TYW5: variants seen among roughly 807,000 people sequenced by gnomAD.
TYW5 encodes the protein tRNA wybutosine-synthesizing protein 5.
A neutral mutation model predicts 44.4 loss-of-function variants in TYW5; 36 were observed. The observed-to-expected ratio is 0.81, with a 90% confidence interval of 0.62 to 1.07. TYW5 has a LOEUF of 1.07. Among genes scored for constraint, TYW5 ranks in the 50% least tolerant of loss-of-function variants. The probability of loss-of-function intolerance (pLI) is 0.00; values close to 1 mark genes in which losing one functional copy is unlikely to be tolerated. For missense variants in TYW5, 354 were observed against 365.7 expected (o/e 0.97, Z 0.26); for synonymous variants, 121 against 128.1 (o/e 0.94, Z 0.37).
chr2:199,943,681 T>C (rs1304758371), intron 3 of TYW5, 84 bp downstream of exon 3: 2 of 1,082,632 alleles, frequency 1.8e-6, no homozygotes, highest in African/African-American at 1.6e-5. Context: ...CTGTTGCTCT[T>C]GTGTATCTAC....
At chr2:199,937,436 G>A (rs1276063635) in intron 5 of TYW5, among the ~76,000 whole-genome samples, 1 of 151,904 alleles carries the variant, frequency 6.6e-6, no homozygotes, top group Middle Eastern at 3.2e-3. Context: ...GTCGAGGTGG[G>A]CGGATTACTT....
In TYW5 at chr2:199,936,509, G is replaced by A. The variant is rs780848631; in HGVS notation, c.487-17C>T. The A allele has an allele frequency of 1.3e-6, 2 of 1,589,508 alleles. No individual in the cohort carries two copies. The highest frequency in any genetic ancestry group is 2.7e-5 in the African/African-American group (2 of 74,084). ...ATCCATTACCTGAAGACCAATAAAA[G>A]CTTATGGGTAATCATTATCTAAAAT... is the stretch of plus-strand genomic sequence containing the variant. On this transcript the variant is annotated splice_polypyrimidine_tract_variant and intron_variant, in intron 5 of 7. Coordinates refer to ENST00000354611, the MANE Select transcript of TYW5 (RefSeq NM_001039693.3).
intron 1 of TYW5, among the ~76,000 whole-genome samples, chr2:199,953,782 C>T (rs112019358): frequency 5.9e-5 from 9 of 152,154 alleles, no homozygotes; most frequent in African/African-American, 1.9e-4. Flanking sequence ...AGTTTTACTG[C>T]CCATGGCCAG....
chr2:199,940,453 G>A (rs1574799463), intron 3 of TYW5, among the ~76,000 whole-genome samples: 1 of 151,978 alleles, frequency 6.6e-6, no homozygotes, highest in African/African-American at 2.4e-5. Context: ...AAGAGCTCAA[G>A]ACCAGCCTGG....
chr2:199,938,844 G>C, intron 5 of TYW5, 89 bp downstream of exon 5: 1 of 1,340,260 alleles, frequency 7.5e-7, no homozygotes, highest in Non-Finnish European at 1.0e-6. Context: ...GATGTTTAGG[G>C]TAACCTATAG....
intron 7 of TYW5, among the ~76,000 whole-genome samples, chr2:199,934,420 T>C (rs1456256810): frequency 1.3e-5 from 2 of 151,890 alleles, no homozygotes; most frequent in Non-Finnish European, 2.9e-5. Flanking sequence ...GCTCCCAAGA[T>C]ACAAAAACCA....
At position 199,929,831 on chromosome 2, in the gene TYW5, GTTT is replaced by G. The variant is rs202180803; in HGVS notation, c.*3233_*3235del. 1 of 145,898 alleles carries G rather than the reference GTTT, an allele frequency of 6.9e-6. No homozygotes were observed. Among genetic ancestry groups the G allele is most frequent in the Admixed American group, 6.9e-5 (1 of 14,520 alleles). 9.0% of individuals were successfully genotyped at this position (145,898 alleles called of 1,614,324 possible). A position where few individuals can be genotyped will look rare whatever the true frequency, so the allele number is the denominator to read the frequency against. ...AATGCTAATAATTACACTCTGTTTA[GTTT>G]TTTTTTTTGAGACAGGTCTCCCCAT... On this transcript the variant is annotated 3_prime_UTR_variant, in exon 8 of 8. Transcript: ENST00000354611.
chr2:199,948,400 G>T lies in TYW5; in HGVS notation c.151C>A (p.Gln51Lys), dbSNP rs778121514. ...TTTACTTCTTTCTTCCCTCCAACTT[G>T]GCTTAGGTAATCCACTGTCCATTTG... ...TSKWTVDYLS[Q>K]VGGKKEVKIH... The change falls in exon 2 of 8, where the codon CAA becomes AAA. Residue 51 changes from glutamine (Q) to lysine (K), a missense_variant. Physicochemically the swap from Gln to Lys is moderately conservative, Grantham distance 53. Transcript: ENST00000354611. 1.9e-6 allele frequency: 3 copies of T among 1,613,916 alleles called. No individual in the cohort carries two copies. In the African/African-American group the frequency reaches 4.0e-5, roughly 22 times the overall value.
chr2:199,929,325 T>C lies in TYW5; in HGVS notation c.*3742A>G, dbSNP rs1299792043. The stretch of plus-strand genomic sequence containing the variant: ...ACGTTGTGCACATGTACCCTAGAAC[T>C]TAAAAGTATAATAAAAAAATAAATA... On this transcript the variant is annotated 3_prime_UTR_variant, in exon 8 of 8. Transcript: ENST00000354611. 1.3e-5 allele frequency among the ~76,000 whole-genome samples: 2 copies of C among 152,048 alleles called. No homozygotes were observed. The highest frequency in any genetic ancestry group is 2.9e-5 in the Non-Finnish European group (2 of 67,988).
At chr2:199,951,186 A>G (rs1195731382) in intron 1 of TYW5, among the ~76,000 whole-genome samples, 2 of 152,194 alleles carry the variant, frequency 1.3e-5, no homozygotes, top group Non-Finnish European at 2.9e-5. Flanking sequence ...GTTTGTATCA[A>G]TTAGCCTGTG....
chr2:199,949,502 C>T (rs2077528582), intron 1 of TYW5, among the ~76,000 whole-genome samples: 1 of 152,200 alleles, frequency 6.6e-6, no homozygotes, highest in Non-Finnish European at 1.5e-5. Flanking sequence ...TCTGAGATGT[C>T]ACACTGCATT....
intron 2 of TYW5, chr2:199,946,265 CAAT>C (rs1241975016): frequency 1.2e-4 from 18 of 152,246 alleles, no homozygotes; most frequent in Admixed American, 8.5e-4. Flanking sequence ...GGGTTAACAA[CAAT>C]GATAATGTAC....
chr2:199,943,857 C>T (rs775379961), intron 2 of TYW5, 23 bp from the exon 3 acceptor site: 12 of 1,585,722 alleles, frequency 7.6e-6, no homozygotes, highest in South Asian at 1.1e-5. Flanking sequence ...CAAAGGAATC[C>T]TTGGACTTAA....
intron 3 of TYW5, 80 bp from the exon 4 acceptor site, chr2:199,940,213 C>A: frequency 8.0e-7 from 1 of 1,248,106 alleles, no homozygotes. Context: ...GTATAGCTAT[C>A]ATGTATTCAT....
chr2:199,947,759 C>T (rs2077513813), intron 2 of TYW5: 1 of 152,238 alleles, frequency 6.6e-6, no homozygotes, highest in African/African-American at 2.4e-5. Flanking sequence ...TTTTATCTTC[C>T]TTCCATGACT....
intron 5 of TYW5, among the ~76,000 whole-genome samples, chr2:199,937,602 C>A (rs1017559130): frequency 1.3e-5 from 2 of 152,006 alleles, no homozygotes; most frequent in African/African-American, 4.8e-5. Flanking sequence ...CTGGGAGGGA[C>A]TGGTTGCAGT....
intron 3 of TYW5, chr2:199,942,260 G>A (rs1397101453): frequency 6.6e-6 from 1 of 152,100 alleles, no homozygotes; most frequent in Non-Finnish European, 1.5e-5. Flanking sequence ...GTAGAGGCGG[G>A]GTTTCACCGT....
intron 1 of TYW5, among the ~76,000 whole-genome samples, chr2:199,953,638 C>G (rs1397475196): frequency 6.6e-6 from 1 of 152,134 alleles, no homozygotes; most frequent in Non-Finnish European, 1.5e-5. Context: ...ATTCATGTAC[C>G]TGTACAATAT....
At chr2:199,947,194 T>C (rs2105707583) in intron 2 of TYW5, 1 of 152,330 alleles carries the variant, frequency 6.6e-6, no homozygotes, top group African/African-American at 2.4e-5. Flanking sequence ...AAAACTCTAA[T>C]GAGAAAGGAA....
Sources: gnomAD v4.1 joint callset for allele counts (sites outside exome capture counted in the v4.1 genomes callset) on GRCh38, gnomAD v4.1.1 for gene constraint, MANE v1.5 for transcripts, NCBI Gene and HGNC (gene_info 2026-07-23, HGNC 2026-07-21) for gene names.